Variants in RC3H2 observed in about 807,000 individuals in gnomAD.
RC3H2 encodes the protein roquin-2.
RC3H2 carries 31 observed loss-of-function variants against 133.3 expected under a neutral mutation model. The ratio of observed to expected loss-of-function variants is 0.23; its 90% CI spans 0.17 to 0.31. The LOEUF is 0.31. Ranked by LOEUF, RC3H2 falls within the 10% of genes least tolerant of loss-of-function variation. RC3H2 has a pLI of 1.00. For synonymous variants in RC3H2, 517 were observed against 502.2 expected (o/e 1.03, Z -0.40); for missense variants, 1,175 against 1,437.2 (o/e 0.82, Z 2.95).
chr9:122,866,010 G>A (rs1269945736), intron 9 of RC3H2, among the ~76,000 whole-genome samples: 1 of 152,130 alleles, frequency 6.6e-6, no homozygotes, highest in African/African-American at 2.4e-5. Flanking sequence ...TATAAGGGAT[G>A]TTATGTAAAA....
intron 9 of RC3H2, among the ~76,000 whole-genome samples, chr9:122,876,203 T>C (rs1831327857): frequency 1.3e-5 from 2 of 152,116 alleles, no homozygotes; most frequent in African/African-American, 4.8e-5. Flanking sequence ...TAACACAGCA[T>C]ATATAACAGG....
Position 122,865,510 on chromosome 9 carries a change from T to C in RC3H2, c.1473A>G (p.Pro491=). ...GSTETTGKIV[P]STNGISNAEN... ...CTGCATTTGAAATTCCGTTTGTACT[T>C]GGAACAATTTTCCCTGTTGTTTCAG... The change falls in exon 10 of 21, where the codon CCA becomes CCG. Residue 491 remains proline, a synonymous_variant. Transcript: ENST00000357244. The C allele has an allele frequency of 6.2e-7, 1 of 1,614,206 alleles. No individual in the cohort carries two copies. The highest frequency in any genetic ancestry group is 8.5e-7 in the Non-Finnish European group (1 of 1,180,036).
At chr9:122,871,806 CTT>C (rs1214570345) in intron 9 of RC3H2, among the ~76,000 whole-genome samples, 1 of 152,080 alleles carries the variant, frequency 6.6e-6, no homozygotes, top group Non-Finnish European at 1.5e-5. Flanking sequence ...GAGGACAAGA[CTT>C]TTGCCTTTCT....
chr9:122,869,111 G>A (rs1037095921), intron 9 of RC3H2, among the ~76,000 whole-genome samples: 2 of 151,842 alleles, frequency 1.3e-5, no homozygotes, highest in African/African-American at 4.8e-5. Flanking sequence ...TTGCCATGTT[G>A]GCCAGGCTGG....
chr9:122,885,534 A>C (rs1341991883), intron 4 of RC3H2, among the ~76,000 whole-genome samples: 1 of 152,216 alleles, frequency 6.6e-6, no homozygotes, highest in Non-Finnish European at 1.5e-5. Context: ...ACAAAATTGG[A>C]ACTATAATGG....
rs771017442 is a variant in RC3H2, at chr9:122,892,994, A to T, written c.264T>A (p.Asn88Lys). The T allele has an allele frequency of 1.7e-5, 28 of 1,611,478 alleles. No individual in the cohort carries two copies. The highest frequency in any genetic ancestry group is 2.4e-5 in the Non-Finnish European group (28 of 1,179,640). The change falls in exon 3 of 21, where the codon AAT (asparagine) becomes AAA (lysine). Residue 88 changes from asparagine to lysine, a missense_variant. Asn to Lys is a moderately conservative substitution (Grantham distance 94, BLOSUM62 0). Coordinates refer to ENST00000357244, the MANE Select transcript of RC3H2 (RefSeq NM_001100588.3). Reference sequence around the variant, plus strand: ...CCTCATAGTGTTTATTCTCACCTAGATTACTTAACTTAATTGACTGATGAT... The same window carrying T: ...CCTCATAGTGTTTATTCTCACCTAGTTTACTTAACTTAATTGACTGATGAT... ...VPDHQSIKLS[N>K]LGENKHYEVA...
chr9:122,895,478 T>G (rs1157995595), intron 2 of RC3H2, among the ~76,000 whole-genome samples: 1 of 152,190 alleles, frequency 6.6e-6, no homozygotes, highest in Admixed American at 6.5e-5. Flanking sequence ...GTAGCTAGTA[T>G]TCTTACAAAA....
rs981952559 is a variant in RC3H2 at position 122,905,021 on chromosome 9, C to A, written c.-68+89G>T. On this transcript the variant is annotated intron_variant, in intron 1 of 20. Transcript: ENST00000357244. ...CACCAGGGGCGACAGCGCACAGGCC[C>A]CAGGGCTGAGACTGGTCTCCCGCCC... The A allele has an allele frequency of 2.3e-5, 21 of 910,190 alleles. No homozygotes were observed. In the African/African-American group the frequency reaches 3.4e-4, roughly 15 times the overall value. 56.4% of individuals were successfully genotyped at this position (910,190 alleles called of 1,614,324 possible).
At chr9:122,855,694 T>G in intron 14 of RC3H2, 38 bp downstream of exon 14, 1 of 1,581,790 alleles carries the variant, frequency 6.3e-7, no homozygotes, top group Non-Finnish European at 8.6e-7. Context: ...ATGCATCATC[T>G]CTCACCTCCA....
In RC3H2 at chr9:122,853,163, T is replaced by TAA. The variant is rs576370712; in HGVS notation, c.3117+787_3117+788dup. 5.9e-3 allele frequency among the ~76,000 whole-genome samples: 896 copies of TAA among 151,978 alleles called. 5 individuals are homozygous for TAA. The highest frequency in any genetic ancestry group is 0.021 in the African/African-American group (859 of 41,338). ...AAGGGCGGTGCAAGATGTGCTTTGT[T>TAA]AAACAGATGCTTGAAGGCAGCATGC... On this transcript the variant is annotated intron_variant, in intron 18 of 20. Transcript: ENST00000357244.
chr9:122,888,175 T>C (rs1832011783), intron 4 of RC3H2, among the ~76,000 whole-genome samples: 1 of 152,190 alleles, frequency 6.6e-6, no homozygotes. Context: ...ATGAACAATA[T>C]GACAAACAAA....
Position 122,868,391 on chromosome 9 carries a change from G to C in RC3H2, c.1326-2734C>G, listed in dbSNP as rs1267324062. Among the ~76,000 whole-genome samples, 1,497 of 152,196 alleles carry C rather than the reference G, an allele frequency of 9.8e-3. 29 individuals carry two copies. The highest frequency in any genetic ancestry group is 0.034 in the African/African-American group (1,420 of 41,518). On this transcript the variant is annotated intron_variant, in intron 9 of 20. Transcript: ENST00000357244. ...CATGGGAGACTTTTCATTTTGTTCT[G>C]TACTAAGAAAAATTCTTCTGCCTTG...
chr9:122,880,085 A>C lies in RC3H2; in HGVS notation c.1001T>G (p.Leu334Trp). 6.2e-7 allele frequency: 1 copy of C among 1,614,136 alleles called. No individual in the cohort carries two copies. The change falls in exon 7 of 21, where the codon TTG becomes TGG. Residue 334 changes from leucine (L) to tryptophan (W), a missense_variant. Physicochemically the swap from Leu to Trp is moderately conservative, Grantham distance 61 (BLOSUM62 -2). Transcript: ENST00000357244. ...ACCTGTTCGTTGCAAAACAATTGTC[A>C]ATTCCTGGACACTCTTTGCAAATGA... ...PESFAKSVQE[L>W]TIVLQRTGDP...
Position 122,847,602 on chromosome 9 carries a change from T to C in RC3H2, c.*2025A>G, listed in dbSNP as rs916872215. 3 of 151,518 alleles carry C rather than the reference T, an allele frequency of 2.0e-5. No homozygotes were observed. The highest frequency in any genetic ancestry group is 4.4e-5 in the Non-Finnish European group (3 of 67,858). The allele number at this position is 151,518 out of a possible 1,614,324, so 9.4% of individuals were successfully genotyped here. A position where few individuals can be genotyped will look rare whatever the true frequency, so the allele number is the denominator to read the frequency against. Reference sequence around the variant, plus strand: ...TTTATAGAAAGGTTCTGATATAAATTATATAACAATCATGTTCCTGTAATA... The same window carrying C: ...TTTATAGAAAGGTTCTGATATAAATCATATAACAATCATGTTCCTGTAATA... On this transcript the variant is annotated 3_prime_UTR_variant, in exon 21 of 21. Coordinates refer to ENST00000357244, the MANE Select transcript of RC3H2 (RefSeq NM_001100588.3).
intron 9 of RC3H2, among the ~76,000 whole-genome samples, chr9:122,867,676 G>A (rs1230575545): frequency 4.4e-5 from 5 of 113,796 alleles, no homozygotes; most frequent in Non-Finnish European, 7.6e-5. Context: ...TTGCCCCACC[G>A]CCCCGTCTGG....
intron 15 of RC3H2, 67 bp downstream of exon 15, chr9:122,855,115 TTA>T: frequency 9.4e-7 from 1 of 1,066,888 alleles, no homozygotes; most frequent in Non-Finnish European, 1.3e-6. Context: ...TCTGTCTCAA[TTA>T]AAAAAAAAAA....
intron 12 of RC3H2, 49 bp downstream of exon 12, chr9:122,858,620 C>T (rs760247629): frequency 7.2e-6 from 11 of 1,518,682 alleles, no homozygotes; most frequent in Middle Eastern, 1.7e-4. Flanking sequence ...TGGTTTGACT[C>T]CAGACACTGG....
intron 1 of RC3H2, among the ~76,000 whole-genome samples, chr9:122,898,698 G>A (rs1201466657): frequency 2.0e-5 from 3 of 147,652 alleles, no homozygotes; most frequent in Non-Finnish European, 4.4e-5. Context: ...GCAGTGAGCC[G>A]AGATCACGTC....
chr9:122,875,545 T>C (rs1030189903), intron 9 of RC3H2, among the ~76,000 whole-genome samples: 2 of 152,162 alleles, frequency 1.3e-5, no homozygotes, highest in Admixed American at 6.5e-5. Flanking sequence ...AAGCCAAAAA[T>C]GTTTGCTAGC....
Sources: allele counts gnomAD v4.1 joint callset (sites outside exome capture counted in the v4.1 genomes callset), GRCh38; gene constraint gnomAD v4.1.1; transcripts MANE v1.5; gene names NCBI Gene and HGNC (gene_info 2026-07-23, HGNC 2026-07-21).